Variants in SLC12A8 observed in about 807,000 individuals in gnomAD.
SLC12A8 encodes the protein solute carrier family 12 member 8, also known as cation-chloride cotransporter 9.
A neutral mutation model predicts 75.6 loss-of-function variants in SLC12A8; 69 were observed. The observed-to-expected ratio is 0.91, with a 90% CI of 0.75 to 1.11. SLC12A8 has a LOEUF of 1.11. Among genes scored for constraint, SLC12A8 ranks in the 50% most tolerant of loss-of-function variants. SLC12A8 has a pLI of 0.00. For missense variants in SLC12A8, 877 were observed against 896.7 expected (o/e 0.98, Z 0.28); for synonymous variants, 365 against 372.8 (o/e 0.98, Z 0.24).
chr3:125,151,862 T>C (rs759680752), intron 5 of SLC12A8, among the ~76,000 whole-genome samples: 1 of 152,268 alleles, frequency 6.6e-6, no homozygotes, highest in Non-Finnish European at 1.5e-5. Context: ...AAATTTGGTG[T>C]GAATTAAAAT....
At chr3:125,144,952 C>A (rs1233556868) in intron 5 of SLC12A8, among the ~76,000 whole-genome samples, 1 of 152,212 alleles carries the variant, frequency 6.6e-6, no homozygotes, top group Admixed American at 6.5e-5. Flanking sequence ...GACCCCTTCC[C>A]CACCAAGTTC....
At chr3:125,209,311 A>C (rs644751) in intron 2 of SLC12A8, among the ~76,000 whole-genome samples, 152,350 of 152,352 alleles carry the variant, frequency 1, 76,174 homozygotes, top group Non-Finnish European at 1. Flanking sequence ...TGCTACAGTT[A>C]TTCTTGTGTC....
At chr3:125,105,482 C>A (rs1471750714) in intron 10 of SLC12A8, among the ~76,000 whole-genome samples, 1 of 152,150 alleles carries the variant, frequency 6.6e-6, no homozygotes, top group Non-Finnish European at 1.5e-5. Context: ...AGGCATTTGA[C>A]AGATCTGCCA....
chr3:125,186,079 G>C (rs1249354709), intron 4 of SLC12A8, among the ~76,000 whole-genome samples: 1 of 152,016 alleles, frequency 6.6e-6, no homozygotes, highest in Non-Finnish European at 1.5e-5. Flanking sequence ...CTCACTTGGT[G>C]TCTGTACCGA....
chr3:125,191,680 C>G (rs921642647), intron 2 of SLC12A8, among the ~76,000 whole-genome samples: 1 of 152,226 alleles, frequency 6.6e-6, no homozygotes, highest in Non-Finnish European at 1.5e-5. Context: ...CGCCCAGGAT[C>G]TAGAACCAAA....
intron 5 of SLC12A8, among the ~76,000 whole-genome samples, chr3:125,139,038 G>A (rs1337653775): frequency 2.0e-5 from 3 of 152,050 alleles, no homozygotes; most frequent in Non-Finnish European, 4.4e-5. Flanking sequence ...TAATCTACTT[G>A]TCATCAAAAA....
At chr3:125,189,319 C>T (rs1250285674) in intron 3 of SLC12A8, among the ~76,000 whole-genome samples, 1 of 152,208 alleles carries the variant, frequency 6.6e-6, no homozygotes, top group East Asian at 1.9e-4. Flanking sequence ...ACTTACATCT[C>T]CTGTTGGCAT....
At chr3:125,102,284 G>A (rs557553001) in intron 10 of SLC12A8, among the ~76,000 whole-genome samples, 21 of 152,264 alleles carry the variant, frequency 1.4e-4, no homozygotes, top group Middle Eastern at 3.4e-3. Flanking sequence ...ATGAAGGCAG[G>A]AAGGAATAAA....
intron 10 of SLC12A8, among the ~76,000 whole-genome samples, chr3:125,098,209 G>A (rs1489797802): frequency 2.0e-5 from 3 of 152,022 alleles, no homozygotes; most frequent in East Asian, 1.9e-4. Flanking sequence ...AACTGATAAC[G>A]TATATTGCCT....
chr3:125,126,660 G>T (rs1378362513), intron 6 of SLC12A8, among the ~76,000 whole-genome samples: 1 of 152,152 alleles, frequency 6.6e-6, no homozygotes, highest in Admixed American at 6.5e-5. Flanking sequence ...AGGCTTTTCA[G>T]GTTCCTGTTA....
chr3:125,125,935 C>G, intron 6 of SLC12A8: 1 of 985,100 alleles, frequency 1.0e-6, no homozygotes, highest in South Asian at 4.7e-5. Context: ...TCGCCACAGG[C>G]ACTTGCATCA....
intron 8 of SLC12A8, among the ~76,000 whole-genome samples, chr3:125,116,182 C>A (rs1000020004): frequency 1.3e-5 from 2 of 152,188 alleles, no homozygotes; most frequent in Non-Finnish European, 2.9e-5. Flanking sequence ...GTAGTGGGAA[C>A]CAGAAGACCC....
chr3:125,119,942 G>C, intron 7 of SLC12A8: 2 of 456,458 alleles, frequency 4.4e-6, no homozygotes, highest in Non-Finnish European at 4.4e-6. Context: ...TAGACCCAAG[G>C]TTACCCAGCC....
intron 2 of SLC12A8, among the ~76,000 whole-genome samples, chr3:125,198,983 T>G (rs1444808432): frequency 3.3e-5 from 5 of 152,002 alleles, no homozygotes; most frequent in East Asian, 1.9e-4. Context: ...TTTCACCGTG[T>G]TAGCCAGGAT....
intron 8 of SLC12A8, among the ~76,000 whole-genome samples, chr3:125,113,292 T>G (rs1939229930): frequency 6.6e-6 from 1 of 152,188 alleles, no homozygotes; most frequent in Non-Finnish European, 1.5e-5. Context: ...GTTTGTCAAT[T>G]GTGTAGAATG....
rs1402621617 is a variant in SLC12A8, at chr3:125,134,496, A to G, written c.736+1173T>C. On this transcript the variant is annotated intron_variant, in intron 6 of 13. Coordinates refer to ENST00000469902, the MANE Select transcript of SLC12A8 (RefSeq NM_024628.6). ...GCACTCACCTGTTGATGAACATTCA[A>G]GCTATTTCCAGTTTGGGACTATTAA... 4.6e-5 allele frequency among the ~76,000 whole-genome samples: 7 copies of G among 152,220 alleles called. 1 individual carries two copies. Among genetic ancestry groups the G allele is most frequent in the Non-Finnish European group, 8.8e-5 (6 of 68,044 alleles).
Position 125,091,706 on chromosome 3 carries a change from A to G in SLC12A8, c.1804-150T>C, listed in dbSNP as rs1938586316. 2.8e-5 allele frequency: 17 copies of G among 609,038 alleles called. No homozygotes were observed. The East Asian group carries it at 4.7e-4, about 17-fold the overall frequency. 37.7% of individuals were successfully genotyped at this position (609,038 alleles called of 1,614,324 possible). A position where few individuals can be genotyped will look rare whatever the true frequency, so the allele number is the denominator to read the frequency against. ...AATAATTGAAGTTTATGAAGAATTC[A>G]AAAAACCTCACTTAAGCAGATATTT... On this transcript the variant is annotated intron_variant, in intron 11 of 13. Transcript: ENST00000469902.
chr3:125,112,570 T>C (rs2993637), intron 8 of SLC12A8, among the ~76,000 whole-genome samples: 22,700 of 152,176 alleles, frequency 0.15, 2,087 homozygotes, highest in Non-Finnish European at 0.2. Context: ...TGCAGCTTCA[T>C]GACTTTGCTG....
chr3:125,188,277 T>C (rs566372402), intron 3 of SLC12A8, among the ~76,000 whole-genome samples: 12 of 152,346 alleles, frequency 7.9e-5, no homozygotes, highest in Middle Eastern at 3.4e-3. Flanking sequence ...GAGTGAAAGC[T>C]TGCTGAGGCC....
Sources: allele counts gnomAD v4.1 joint callset (sites outside exome capture counted in the v4.1 genomes callset), GRCh38; gene constraint gnomAD v4.1.1; transcripts MANE v1.5; gene names NCBI Gene and HGNC (gene_info 2026-07-23, HGNC 2026-07-21).